The following GALK2 variants were observed in gnomAD, a reference collection of about 807,000 sequenced individuals.
The protein encoded by GALK2 is N-acetylgalactosamine kinase.
GALK2 carries 36 observed loss-of-function variants against 52.4 expected under a neutral mutation model. That is an observed-to-expected ratio of 0.69 (90% CI 0.53 to 0.91). GALK2 has a LOEUF of 0.91. Ranked by LOEUF, GALK2 falls within the 40% of genes least tolerant of loss-of-function variation. The pLI is 0.00. For missense variants in GALK2, 579 were observed against 559.1 expected, an observed-to-expected ratio of 1.04 and a Z score of -0.36; for synonymous variants, 176 against 199.1, an observed-to-expected ratio of 0.88 and a Z score of 0.98.
rs2034799400 is a variant in GALK2 at position 49,299,709 on chromosome 15, G to GCTTGCTTTCTTTCTTTCTTTCTTT, written c.967+7175_967+7176insGCTTTCTTTCTTTCTTTCTTTCTT. On this transcript the variant is annotated intron_variant, in intron 8 of 9. Transcript: ENST00000560031. ...GGTTTTGAGAGATCTTCTTGGTATT[G>GCTTGCTTTCTTTCTTTCTTTCTTT]CTTTCTTTCTTTCTTTCTTTCTTTC... Among the ~76,000 whole-genome samples, 17 of 85,240 alleles carry GCTTGCTTTCTTTCTTTCTTTCTTT rather than the reference G, an allele frequency of 2.0e-4. 1 individual carries two copies. In the South Asian group the frequency reaches 4.2e-3, roughly 21 times the overall value. 55.9% of individuals were successfully genotyped at this position (85,240 alleles called of 152,430 possible). A position where few individuals can be genotyped will look rare whatever the true frequency, so the allele number is the denominator to read the frequency against.
At chr15:49,201,086 GTA>G (rs1491546278) in intron 1 of GALK2, 74 bp from the exon 2 acceptor site, 193 of 678,630 alleles carry the variant, frequency 2.8e-4, no homozygotes, top group Middle Eastern at 1.1e-3. Flanking sequence ...GTGTGTGTGT[GTA>G]TGTATGTGTG....
chr15:49,177,731 G>T, intron 1 of GALK2: 1 of 808,350 alleles, frequency 1.2e-6, no homozygotes, highest in Non-Finnish European at 1.8e-6. Context: ...GTCAGCCCAT[G>T]CATCACCCTT....
intron 2 of GALK2, among the ~76,000 whole-genome samples, chr15:49,211,509 C>T (rs938467698): frequency 3.3e-5 from 5 of 152,180 alleles, no homozygotes; most frequent in Non-Finnish European, 5.9e-5. Flanking sequence ...ATCTTTATAG[C>T]AATGCCCCAC....
At chr15:49,231,966 C>T (rs2090526270) in intron 3 of GALK2, among the ~76,000 whole-genome samples, 1 of 152,232 alleles carries the variant, frequency 6.6e-6, no homozygotes, top group Non-Finnish European at 1.5e-5. Flanking sequence ...ATCTACCATT[C>T]TGCAGTCTCG....
intron 2 of GALK2, among the ~76,000 whole-genome samples, chr15:49,209,631 G>A (rs539756040): frequency 2.6e-5 from 4 of 151,998 alleles, no homozygotes; most frequent in African/African-American, 4.8e-5. Context: ...GTGATATATC[G>A]TATTTTTGGA....
At chr15:49,245,065 C>G (rs552921609) in intron 5 of GALK2, among the ~76,000 whole-genome samples, 1 of 151,354 alleles carries the variant, frequency 6.6e-6, no homozygotes, top group South Asian at 2.1e-4. Flanking sequence ...CATAAGTGAA[C>G]AATAATCTCA....
At chr15:49,365,349 T>C in intron 3 of GALK2, 3 of 1,525,330 alleles carry the variant, frequency 2.0e-6, no homozygotes, top group East Asian at 2.2e-5. Context: ...ATCATGCCAA[T>C]AGCATAGGCA....
At chr15:49,164,301 G>A (rs1235192027) in intron 1 of GALK2, among the ~76,000 whole-genome samples, 1 of 151,244 alleles carries the variant, frequency 6.6e-6, no homozygotes, top group Non-Finnish European at 1.5e-5. Context: ...ACAACCAGTA[G>A]ATGCAGTTAT....
intron 5 of GALK2, among the ~76,000 whole-genome samples, chr15:49,248,135 T>G (rs1028022030): frequency 3.3e-5 from 5 of 152,188 alleles, no homozygotes; most frequent in African/African-American, 1.2e-4. Context: ...CAGTGAAATA[T>G]TTCTTGGCCT....
At chr15:49,340,174 C>T (rs2040456938) in intron 3 of GALK2, among the ~76,000 whole-genome samples, 1 of 152,300 alleles carries the variant, frequency 6.6e-6, no homozygotes, top group East Asian at 1.9e-4. Context: ...TGAAAGAAAA[C>T]TCCTGTGGCT....
chr15:49,257,450 T>A (rs2091861828), intron 5 of GALK2, among the ~76,000 whole-genome samples: 2 of 152,162 alleles, frequency 1.3e-5, no homozygotes, highest in Non-Finnish European at 2.9e-5. Flanking sequence ...AAAATGGAGA[T>A]GTTTCTAAAG....
intron 3 of GALK2, among the ~76,000 whole-genome samples, chr15:49,217,803 G>T (rs959776167): frequency 7.2e-5 from 11 of 152,124 alleles, no homozygotes; most frequent in Non-Finnish European, 1.5e-4. Flanking sequence ...ACAGAGTCTG[G>T]TGCCTAATAG....
At chr15:49,163,261 C>A (rs1427029883) in intron 1 of GALK2, among the ~76,000 whole-genome samples, 1 of 152,112 alleles carries the variant, frequency 6.6e-6, no homozygotes, top group African/African-American at 2.4e-5. Context: ...TTTTTGTGTG[C>A]TTATTTGTCA....
At chr15:49,190,238 TG>T (rs1251442258) in intron 1 of GALK2, among the ~76,000 whole-genome samples, 1 of 152,236 alleles carries the variant, frequency 6.6e-6, no homozygotes, top group East Asian at 1.9e-4. Flanking sequence ...CATGGATTCA[TG>T]GTATTTTACA....
chr15:49,224,465 A>G (rs754958428), intron 3 of GALK2, among the ~76,000 whole-genome samples: 2 of 152,178 alleles, frequency 1.3e-5, no homozygotes, highest in Admixed American at 6.5e-5. Flanking sequence ...TTGAGGTCTT[A>G]TATTTAAATC....
At chr15:49,318,954 CTTT>C (rs35217317) in intron 8 of GALK2, 131 of 419,116 alleles carry the variant, frequency 3.1e-4, no homozygotes, top group Admixed American at 6.8e-4. Context: ...TTCTTTCTTT[CTTT>C]TTTTTTTTTT....
chr15:49,165,872 C>T (rs776376659), upstream of GALK2, among the ~76,000 whole-genome samples: 71 of 150,848 alleles, frequency 4.7e-4, no homozygotes, highest in Non-Finnish European at 7.5e-4. Flanking sequence ...GTGCCATCTC[C>T]GCTCACTGCA....
At chr15:49,314,009 C>T (rs1158348713) in intron 8 of GALK2, among the ~76,000 whole-genome samples, 2 of 152,206 alleles carry the variant, frequency 1.3e-5, no homozygotes, top group Non-Finnish European at 2.9e-5. Flanking sequence ...TGTTGACCTG[C>T]TGTCCTCAGA....
chr15:49,291,875 A>G (rs551812709), intron 7 of GALK2, among the ~76,000 whole-genome samples: 1 of 152,206 alleles, frequency 6.6e-6, no homozygotes, highest in Non-Finnish European at 1.5e-5. Context: ...GACATATAGT[A>G]AACAGGAAGT....
Sources: allele counts gnomAD v4.1 joint callset (sites outside exome capture counted in the v4.1 genomes callset), GRCh38; gene constraint gnomAD v4.1.1; transcripts MANE v1.5; gene names NCBI Gene and HGNC (gene_info 2026-07-23, HGNC 2026-07-21).